DCBLD1: variants seen among roughly 807,000 people sequenced by gnomAD.
The protein encoded by DCBLD1 is discoidin, CUB and LCCL domain containing 1.
Under a neutral mutation model 71.5 loss-of-function variants are expected in DCBLD1, and 57 were observed. The ratio of observed to expected loss-of-function variants is 0.80; its 90% CI spans 0.64 to 0.99. The LOEUF is 0.99. Among genes scored for constraint, DCBLD1 ranks in the 50% least tolerant of loss-of-function variants. The probability of loss-of-function intolerance (pLI) is 0.00; values close to 1 mark genes in which losing one functional copy is unlikely to be tolerated. For missense variants in DCBLD1, 891 were observed against 923.5 expected (o/e 0.96, Z 0.46); for synonymous variants, 380 against 363.8 (o/e 1.04, Z -0.51).
intron 9 of DCBLD1, 105 bp downstream of exon 9, chr6:117,539,484 G>A: frequency 7.7e-7 from 1 of 1,305,044 alleles, no homozygotes; most frequent in Non-Finnish European, 1.0e-6. Flanking sequence ...AAGACAGTGA[G>A]GCCAAGCATG....
chr6:117,562,896 C>T (rs1732070928), intron 14 of DCBLD1: 1 of 240,342 alleles, frequency 4.2e-6, no homozygotes. Context: ...AAAGGGTACT[C>T]CTTATAAAAT....
intron 6 of DCBLD1, among the ~76,000 whole-genome samples, chr6:117,536,680 A>T (rs1778893722): frequency 6.6e-6 from 1 of 152,186 alleles, no homozygotes; most frequent in Non-Finnish European, 1.5e-5. Flanking sequence ...CCCCAGAGTA[A>T]CACTGCTGAA....
rs569536215 is a variant in DCBLD1, at chr6:117,564,192, T to C, written c.1616-5428T>C. Among the ~76,000 whole-genome samples the C allele has an allele frequency of 3.9e-5, 6 of 152,210 alleles. No individual in the cohort carries two copies. The South Asian group carries it at 1.2e-3, about 32-fold the overall frequency. On this transcript the variant is annotated intron_variant, in intron 14 of 14. Coordinates refer to the DCBLD1 transcript ENST00000296955. Reference sequence around the variant, plus strand: ...GACAGGGTTCACTATGTTGCCCAGGTTGGTAACTCCTGGCCTCAAGCGATC... The same window carrying C: ...GACAGGGTTCACTATGTTGCCCAGGCTGGTAACTCCTGGCCTCAAGCGATC...
intron 14 of DCBLD1, among the ~76,000 whole-genome samples, chr6:117,546,059 T>G (rs1779255530): frequency 6.6e-6 from 1 of 152,232 alleles, no homozygotes; most frequent in Non-Finnish European, 1.5e-5. Context: ...GGGGAAATGC[T>G]TTTTGTTTCT....
chr6:117,564,443 G>C (rs1779652215), intron 14 of DCBLD1, among the ~76,000 whole-genome samples: 1 of 152,068 alleles, frequency 6.6e-6, no homozygotes, highest in African/African-American at 2.4e-5. Context: ...AATGTAATTT[G>C]TTGGCAAGAT....
Position 117,539,380 on chromosome 6 carries a change from G to C in DCBLD1, c.1101+1G>C. 1.9e-6 allele frequency: 3 copies of C among 1,601,104 alleles called. No homozygotes were observed. The highest frequency in any genetic ancestry group is 2.5e-6 in the Non-Finnish European group (3 of 1,177,052). On this transcript the variant is annotated splice_donor_variant, in intron 9 of 14. Coordinates refer to ENST00000338728, the MANE Select transcript of DCBLD1 (RefSeq NM_001366458.2). LOFTEE classifies it high-confidence loss of function. ...AGGAATTGTGAATAATGAAGAAAAGGTAAGAGGTAACCCTAGAGGCAAGAG... is the reference window on the plus strand; with the variant it reads ...AGGAATTGTGAATAATGAAGAAAAGCTAAGAGGTAACCCTAGAGGCAAGAG...
intron 14 of DCBLD1, among the ~76,000 whole-genome samples, chr6:117,559,392 A>T (rs1474932504): frequency 6.6e-6 from 1 of 152,204 alleles, no homozygotes; most frequent in Non-Finnish European, 1.5e-5. Context: ...ATGTAATCCT[A>T]AGGGAGTTTG....
chr6:117,540,745 G>C lies in DCBLD1; in HGVS notation c.1179G>C (p.Arg393=). The change falls in exon 10 of 15, where the codon CGG becomes CGC. Residue 393 remains arginine, a synonymous_variant. Transcript: ENST00000338728. The part of the protein sequence containing the change: ...FIPPIVARYV[R]VVPQTWHQRI... ...CTCCCATCGTGGCCAGATATGTGCG[G>C]GTTGTCCCCCAGACATGGCACCAGA... 6.2e-7 allele frequency: 1 copy of C among 1,614,232 alleles called. No individual in the cohort carries two copies. Among genetic ancestry groups the C allele is most frequent in the Non-Finnish European group, 8.5e-7 (1 of 1,180,042 alleles).
At chr6:117,537,484 A>G (rs1370222750) in intron 7 of DCBLD1, among the ~76,000 whole-genome samples, 1 of 150,830 alleles carries the variant, frequency 6.6e-6, no homozygotes, top group Non-Finnish European at 1.5e-5. Context: ...CAGTGAGCTG[A>G]GATTGCGCCA....
At chr6:117,545,689 C>T in intron 14 of DCBLD1, 92 bp downstream of exon 14, 1 of 1,501,658 alleles carries the variant, frequency 6.7e-7, no homozygotes, top group South Asian at 1.3e-5. Context: ...AAATCCTTTT[C>T]TATTTAGATA....
chr6:117,525,881 C>T (rs1039418499), intron 5 of DCBLD1, among the ~76,000 whole-genome samples: 1 of 152,140 alleles, frequency 6.6e-6, no homozygotes, highest in African/African-American at 2.4e-5. Flanking sequence ...TTCTTATGTC[C>T]AGTAAGACTA....
chr6:117,544,469 G>T (rs371399121), intron 12 of DCBLD1, 59 bp from the exon 13 acceptor site: 149 of 1,569,696 alleles, frequency 9.5e-5, no homozygotes, highest in Middle Eastern at 6.7e-4. Context: ...TGTTATATAG[G>T]GAGAGAGAGG....
intron 4 of DCBLD1, 109 bp downstream of exon 4, chr6:117,521,685 G>A: frequency 1.1e-6 from 1 of 940,082 alleles, no homozygotes; most frequent in Admixed American, 2.9e-5. Flanking sequence ...TACCATTCAT[G>A]TTGTAACTAA....
At chr6:117,525,956 T>A (rs1372813796) in intron 5 of DCBLD1, among the ~76,000 whole-genome samples, 1 of 152,228 alleles carries the variant, frequency 6.6e-6, no homozygotes, top group East Asian at 1.9e-4. Context: ...CCTCCACTTG[T>A]TTCTATTTAC....
chr6:117,543,362 A>G, intron 12 of DCBLD1, 151 bp downstream of exon 12: 1 of 688,560 alleles, frequency 1.5e-6, no homozygotes. Flanking sequence ...CAAGTTAGAT[A>G]AAAGTAGAAA....
At chr6:117,514,378 G>C (rs1778122332) in intron 2 of DCBLD1, among the ~76,000 whole-genome samples, 1 of 152,108 alleles carries the variant, frequency 6.6e-6, no homozygotes, top group African/African-American at 2.4e-5. Context: ...GCTGAGATGG[G>C]AGGATTGCTT....
chr6:117,509,616 C>G (rs1316667693), intron 2 of DCBLD1, among the ~76,000 whole-genome samples: 1 of 152,096 alleles, frequency 6.6e-6, no homozygotes, highest in African/African-American at 2.4e-5. Flanking sequence ...CTCCCTCTTC[C>G]CAGCCGCCTC....
At position 117,498,631 on chromosome 6, in the gene DCBLD1, C is replaced by G. The variant is rs145302666; in HGVS notation, c.113-5136C>G. On this transcript the variant is annotated intron_variant, in intron 1 of 14. Coordinates refer to ENST00000338728, the MANE Select transcript of DCBLD1 (RefSeq NM_001366458.2). ...TTATTTTTTTCCCTTAAAGATGGAT[C>G]TTTATTTCTTTTAATTTTTAATATT... 2.6e-5 allele frequency among the ~76,000 whole-genome samples: 4 copies of G among 152,144 alleles called. No homozygotes were observed. In the East Asian group the frequency reaches 7.7e-4, roughly 29 times the overall value.
At chr6:117,517,586 C>T (rs1166437919) in intron 2 of DCBLD1, among the ~76,000 whole-genome samples, 2 of 152,244 alleles carry the variant, frequency 1.3e-5, no homozygotes, top group East Asian at 3.8e-4. Context: ...CTATGAGGGC[C>T]TCTGCAGCAA....
Sources: gnomAD v4.1 joint callset for allele counts (sites outside exome capture counted in the v4.1 genomes callset) on GRCh38, gnomAD v4.1.1 for gene constraint, MANE v1.5 for transcripts, NCBI Gene and HGNC (gene_info 2026-07-23, HGNC 2026-07-21) for gene names.